The following KCNB2 variants were observed in gnomAD, a reference collection of about 807,000 sequenced individuals.
The protein encoded by KCNB2 is delayed rectifier potassium channel protein.
In KCNB2, 15 loss-of-function variants were observed where a neutral mutation model predicts 61.5. The ratio of observed to expected loss-of-function variants is 0.24; its 90% CI spans 0.16 to 0.38. The LOEUF (loss-of-function observed/expected upper bound fraction) is 0.38, where lower values mean the gene tolerates loss of function less well. Ranked by LOEUF, KCNB2 falls within the 10% of genes least tolerant of loss-of-function variation. The pLI is 1.00. For synonymous variants in KCNB2, 457 were observed against 446.0 expected (o/e 1.02, Z -0.31); for missense variants, 828 against 1,125.2 (o/e 0.74, Z 3.78).
rs1381197911 is a variant in KCNB2, at chr8:72,738,572, T to C, written c.579+170259T>C. 3.3e-5 allele frequency among the ~76,000 whole-genome samples: 5 copies of C among 152,220 alleles called. No individual in the cohort carries two copies. The East Asian group carries it at 7.7e-4, about 23-fold the overall frequency. On this transcript the variant is annotated intron_variant, in intron 2 of 2. Transcript: ENST00000523207. ...AGCCCCGGCTATGTGTCACTGAATATGCCAATGCATTAATGTGGGGAGCCA... is the reference window on the plus strand; with the variant it reads ...AGCCCCGGCTATGTGTCACTGAATACGCCAATGCATTAATGTGGGGAGCCA...
chr8:72,599,847 G>T (rs964435128), intron 2 of KCNB2, among the ~76,000 whole-genome samples: 64 of 152,146 alleles, frequency 4.2e-4, no homozygotes, highest in African/African-American at 1.3e-3. Context: ...CATGAAAAAA[G>T]GCTCATCATC....
chr8:72,776,671 A>G (rs1398413885), intron 2 of KCNB2, among the ~76,000 whole-genome samples: 3 of 152,178 alleles, frequency 2.0e-5, no homozygotes, highest in African/African-American at 7.2e-5. Context: ...AGGCAGATGA[A>G]TCTTTAACAT....
chr8:72,561,762 G>GAT (rs1491427771), intron 1 of KCNB2, among the ~76,000 whole-genome samples: 2 of 14,766 alleles, frequency 1.4e-4, no homozygotes, highest in South Asian at 2.3e-3. Context: ...TATATATATG[G>GAT]ATATATATAT....
chr8:72,719,457 T>C (rs188588839), intron 2 of KCNB2, among the ~76,000 whole-genome samples: 154 of 152,302 alleles, frequency 1.0e-3, no homozygotes, highest in African/African-American at 3.3e-3. Context: ...TCTTTCCTGC[T>C]GAAAATATCC....
chr8:72,760,604 T>C (rs558995494), intron 2 of KCNB2, among the ~76,000 whole-genome samples: 1 of 152,322 alleles, frequency 6.6e-6, no homozygotes, highest in East Asian at 1.9e-4. Context: ...CCCTCCAGCT[T>C]ATTTTGATAC....
intron 2 of KCNB2, chr8:72,619,277 C>T (rs1805676054): frequency 4.9e-6 from 3 of 617,658 alleles, no homozygotes; most frequent in Non-Finnish European, 9.5e-6. Context: ...CATTCAGATA[C>T]CTGGAACCAG....
chr8:72,706,747 G>A (rs1196353562), intron 2 of KCNB2, among the ~76,000 whole-genome samples: 1 of 152,194 alleles, frequency 6.6e-6, no homozygotes, highest in Non-Finnish European at 1.5e-5. Context: ...TTGAAGAATA[G>A]GGATGGGCAA....
chr8:72,893,461 A>G (rs1176159481), intron 2 of KCNB2, among the ~76,000 whole-genome samples: 1 of 152,196 alleles, frequency 6.6e-6, no homozygotes, highest in Non-Finnish European at 1.5e-5. Flanking sequence ...CATGTTTAGT[A>G]AGCAAAATTA....
In KCNB2 at chr8:72,551,235, A is replaced by AT. The variant is rs1318913772; in HGVS notation, c.-94+13356dup. On this transcript the variant is annotated intron_variant, in intron 1 of 2. Coordinates refer to ENST00000523207, the MANE Select transcript of KCNB2 (RefSeq NM_004770.3). ...TTTTTGTTGTTGTTGTTGTTTGTTT[A>AT]TTTTTTACAAAAAGCAAATCTGATT... Among the ~76,000 whole-genome samples, 4 of 151,950 alleles carry AT rather than the reference A, an allele frequency of 2.6e-5. No individual in the cohort carries two copies. The East Asian group carries it at 5.8e-4, about 22-fold the overall frequency.
chr8:72,706,701 A>C (rs1807231204), intron 2 of KCNB2, among the ~76,000 whole-genome samples: 1 of 152,254 alleles, frequency 6.6e-6, no homozygotes, highest in Non-Finnish European at 1.5e-5. Flanking sequence ...ATAATAAAAA[A>C]TATGCTGATA....
chr8:72,924,081 A>T (rs896185250), intron 2 of KCNB2, among the ~76,000 whole-genome samples: 1 of 152,210 alleles, frequency 6.6e-6, no homozygotes, highest in Non-Finnish European at 1.5e-5. Flanking sequence ...GGGTCAAGTC[A>T]TCCGACTCAA....
intron 2 of KCNB2, among the ~76,000 whole-genome samples, chr8:72,929,489 T>C (rs993387901): frequency 6.6e-6 from 1 of 152,236 alleles, no homozygotes; most frequent in African/African-American, 2.4e-5. Context: ...ACTAAATGCC[T>C]AGAACATACG....
At chr8:72,788,581 A>C (rs1808881594) in intron 2 of KCNB2, among the ~76,000 whole-genome samples, 2 of 152,056 alleles carry the variant, frequency 1.3e-5, no homozygotes, top group Non-Finnish European at 2.9e-5. Flanking sequence ...TTTATACTCT[A>C]CTTATAAAAA....
At chr8:72,786,584 G>C (rs1808849039) in intron 2 of KCNB2, among the ~76,000 whole-genome samples, 1 of 152,134 alleles carries the variant, frequency 6.6e-6, no homozygotes, top group Admixed American at 6.6e-5. Context: ...CTGGGGTTCA[G>C]CTCTGAGGCT....
At chr8:72,816,681 T>G (rs1225564940) in intron 2 of KCNB2, among the ~76,000 whole-genome samples, 1 of 152,208 alleles carries the variant, frequency 6.6e-6, no homozygotes, top group African/African-American at 2.4e-5. Context: ...CCCTAAAACC[T>G]CAACTCTTGA....
At chr8:72,677,237 C>T (rs942419750) in intron 2 of KCNB2, among the ~76,000 whole-genome samples, 1 of 152,178 alleles carries the variant, frequency 6.6e-6, no homozygotes. Flanking sequence ...GTCCTGCTGA[C>T]ACCTTGATCT....
chr8:72,579,588 C>T (rs1390175906), intron 2 of KCNB2, among the ~76,000 whole-genome samples: 3 of 152,166 alleles, frequency 2.0e-5, no homozygotes, highest in South Asian at 2.1e-4. Flanking sequence ...TCCGTGAACT[C>T]GGGCTGTGCA....
At chr8:72,709,360 G>A (rs1807287329) in intron 2 of KCNB2, among the ~76,000 whole-genome samples, 2 of 152,116 alleles carry the variant, frequency 1.3e-5, no homozygotes, top group South Asian at 4.2e-4. Flanking sequence ...TTCTGTATTA[G>A]ACCATTTTTG....
intron 2 of KCNB2, among the ~76,000 whole-genome samples, chr8:72,620,072 G>A (rs1039426016): frequency 6.6e-6 from 1 of 152,182 alleles, no homozygotes; most frequent in Admixed American, 6.5e-5. Flanking sequence ...TGAATATACT[G>A]TGGTGAATGA....
Sources: allele counts gnomAD v4.1 joint callset (sites outside exome capture counted in the v4.1 genomes callset), GRCh38; gene constraint gnomAD v4.1.1; transcripts MANE v1.5; gene names NCBI Gene and HGNC (gene_info 2026-07-23, HGNC 2026-07-21).